ARHGAP28: variants seen among roughly 807,000 people sequenced by gnomAD.
ARHGAP28 encodes Rho GTPase activating protein 28, also known as rho GTPase-activating protein 28.
Under a neutral mutation model 90.7 loss-of-function variants are expected in ARHGAP28, and 56 were observed. The ratio of observed to expected loss-of-function variants is 0.62; its 90% CI spans 0.50 to 0.77. The LOEUF is 0.77. ARHGAP28 is among the 30% of genes least tolerant of loss of function. ARHGAP28 has a pLI of 0.00. For missense variants in ARHGAP28, 869 were observed against 900.9 expected (o/e 0.96, Z 0.45); for synonymous variants, 308 against 323.3 (o/e 0.95, Z 0.51).
At chr18:6,827,441 G>A (rs1223168494) in intron 2 of ARHGAP28, among the ~76,000 whole-genome samples, 5 of 142,044 alleles carry the variant, frequency 3.5e-5, no homozygotes, top group Non-Finnish European at 7.7e-5. Context: ...CCTCCCGGAC[G>A]GGGCGGCTGG....
In ARHGAP28 at chr18:6,908,690, G is replaced by A. The variant is rs533155140; in HGVS notation, c.2031-270G>A. Among the ~76,000 whole-genome samples the A allele has an allele frequency of 3.3e-5, 5 of 152,354 alleles. No homozygotes were observed. In the South Asian group the frequency reaches 1.0e-3, roughly 32 times the overall value. On this transcript the variant is annotated intron_variant, in intron 16 of 17. Coordinates refer to ENST00000383472, the MANE Select transcript of ARHGAP28 (RefSeq NM_001366230.1). ...ACAGTAACTAACCTGAAATGGAGCA[G>A]GCAGCTGTGGCCTGAATGGGCTCTA...
At chr18:6,791,073 T>C (rs950985417) in intron 1 of ARHGAP28, 3 of 152,152 alleles carry the variant, frequency 2.0e-5, no homozygotes, top group Non-Finnish European at 4.4e-5. Flanking sequence ...TAATAGGATA[T>C]ATATATATAA....
intron 1 of ARHGAP28, among the ~76,000 whole-genome samples, chr18:6,792,084 A>G (rs1379897112): frequency 6.6e-6 from 1 of 152,162 alleles, no homozygotes; most frequent in Non-Finnish European, 1.5e-5. Flanking sequence ...GATGTGAACC[A>G]CTGTGCCTGG....
intron 1 of ARHGAP28, among the ~76,000 whole-genome samples, chr18:6,750,092 T>C (rs959507952): frequency 6.6e-6 from 1 of 152,148 alleles, no homozygotes; most frequent in Non-Finnish European, 1.5e-5. Context: ...CTCTCACGTG[T>C]CTCTGGGTCT....
At position 6,819,529 on chromosome 18, in the gene ARHGAP28, G is replaced by A. The variant is rs149900678; in HGVS notation, c.123-5233G>A. On this transcript the variant is annotated intron_variant, in intron 1 of 17. Transcript: ENST00000383472. ...AAGGTCATACCTGTCTAGGTGGAGG[G>A]ACTCTACCGGGATGAGGAGACACCA... 9.1e-4 allele frequency among the ~76,000 whole-genome samples: 138 copies of A among 152,238 alleles called. 5 individuals carry two copies. The East Asian group carries it at 0.016, about 18-fold the overall frequency.
intron 1 of ARHGAP28, among the ~76,000 whole-genome samples, chr18:6,816,202 G>T (rs374268571): frequency 1.3e-5 from 2 of 152,170 alleles, no homozygotes; most frequent in African/African-American, 4.8e-5. Flanking sequence ...CCCCTTCTGT[G>T]TTCTTGGTCC....
chr18:6,851,173 T>A, intron 4 of ARHGAP28, 47 bp downstream of exon 4: 3 of 1,561,580 alleles, frequency 1.9e-6, no homozygotes, highest in Non-Finnish European at 2.6e-6. Context: ...AAATAAGCCA[T>A]TTCTTCAAGA....
At position 6,841,192 on chromosome 18, in the gene ARHGAP28, TCTCTCTCTCTC is replaced by T. The variant is rs1338726004; in HGVS notation, c.543+3784_543+3794del. ...CCTCTCTCTCTCTCCTCTCTCTCTC[TCTCTCTCTCTC>T]CTCTCCTCTCTCTCTCTCTCCCCCC... On this transcript the variant is annotated intron_variant, in intron 3 of 17. Coordinates refer to ENST00000383472, the MANE Select transcript of ARHGAP28 (RefSeq NM_001366230.1). 3.3e-3 allele frequency among the ~76,000 whole-genome samples: 221 copies of T among 66,444 alleles called. 3 individuals carry two copies. The highest frequency in any genetic ancestry group is 0.02 in the South Asian group (28 of 1,434). The allele number at this position is 66,444 out of a possible 152,430, so 43.6% of individuals were successfully genotyped here.
chr18:6,835,003 C>G (rs959898058), intron 2 of ARHGAP28, among the ~76,000 whole-genome samples: 1 of 152,188 alleles, frequency 6.6e-6, no homozygotes, highest in African/African-American at 2.4e-5. Flanking sequence ...ATATATGGAA[C>G]TGAAATTCAA....
chr18:6,782,099 G>A (rs1049918424), intron 1 of ARHGAP28, among the ~76,000 whole-genome samples: 7 of 152,048 alleles, frequency 4.6e-5, no homozygotes, highest in Admixed American at 4.6e-4. Flanking sequence ...ACTTCCTGGA[G>A]ATTCCAACTG....
intron 2 of ARHGAP28, 94 bp downstream of exon 2, chr18:6,825,058 G>A: frequency 8.9e-7 from 1 of 1,121,894 alleles, no homozygotes; most frequent in Non-Finnish European, 1.2e-6. Context: ...CCCACCAATA[G>A]TTTAACCAAT....
At chr18:6,862,601 T>C (rs967290447) in intron 5 of ARHGAP28, among the ~76,000 whole-genome samples, 1 of 152,208 alleles carries the variant, frequency 6.6e-6, no homozygotes, top group African/African-American at 2.4e-5. Flanking sequence ...AAGTTCCCCT[T>C]CATCAAAGTC....
At chr18:6,816,562 G>T (rs996651177) in intron 1 of ARHGAP28, among the ~76,000 whole-genome samples, 1 of 152,118 alleles carries the variant, frequency 6.6e-6, no homozygotes, top group African/African-American at 2.4e-5. Flanking sequence ...GACAAATAAT[G>T]GAGAACTCAA....
chr18:6,887,049 A>T lies in ARHGAP28; in HGVS notation c.1454-108A>T. 4.2e-6 allele frequency: 4 copies of T among 963,056 alleles called. No homozygotes were observed. The South Asian group carries it at 5.6e-5, about 14-fold the overall frequency. The allele number at this position is 963,056 out of a possible 1,614,324, so 59.7% of individuals were successfully genotyped here. ...TGGGCACAAAACCTGAGTCTTTACC[A>T]CCAAAAGCTGTCAGGAGCCCTCCTG... On this transcript the variant is annotated intron_variant, in intron 11 of 17. Transcript: ENST00000383472.
chr18:6,839,996 G>T lies in ARHGAP28; in HGVS notation c.543+2582G>T, dbSNP rs185025905. Among the ~76,000 whole-genome samples the T allele has an allele frequency of 1.6e-3, 240 of 152,238 alleles. 1 individual carries two copies. Among genetic ancestry groups the T allele is most frequent in the African/African-American group, 5.0e-3 (206 of 41,536 alleles). ...TATGGCAAGCTCAGATGTTCTGCTG[G>T]GTTCTAGCTGGAGCACTGGGATACC... On this transcript the variant is annotated intron_variant, in intron 3 of 17. Transcript: ENST00000383472.
chr18:6,741,261 T>C (rs1009296929), intron 1 of ARHGAP28, among the ~76,000 whole-genome samples: 1 of 152,210 alleles, frequency 6.6e-6, no homozygotes, highest in African/African-American at 2.4e-5. Flanking sequence ...AGAGGATGCC[T>C]GGCCCTGTGA....
chr18:6,781,783 C>T (rs2056326597), intron 1 of ARHGAP28, among the ~76,000 whole-genome samples: 1 of 152,204 alleles, frequency 6.6e-6, no homozygotes, highest in Admixed American at 6.5e-5. Context: ...CTTTCCTTCT[C>T]CCTAGTTTGG....
intron 10 of ARHGAP28, among the ~76,000 whole-genome samples, chr18:6,879,886 T>G (rs2057163969): frequency 6.6e-6 from 1 of 152,228 alleles, no homozygotes; most frequent in Admixed American, 6.5e-5. Flanking sequence ...AGTCAGTTGC[T>G]GAGTTCGGAT....
At chr18:6,889,598 GT>G (rs1483121000) in intron 12 of ARHGAP28, among the ~76,000 whole-genome samples, 10 of 152,094 alleles carry the variant, frequency 6.6e-5, no homozygotes, top group African/African-American at 2.4e-4. Context: ...TTTAACATTT[GT>G]CAGACTCTTT....
Sources: allele counts gnomAD v4.1 joint callset (sites outside exome capture counted in the v4.1 genomes callset), GRCh38; gene constraint gnomAD v4.1.1; transcripts MANE v1.5; gene names NCBI Gene and HGNC (gene_info 2026-07-23, HGNC 2026-07-21).